ANO5: variants seen among roughly 807,000 people sequenced by gnomAD.
ANO5 encodes the protein anoctamin-5.
A neutral mutation model predicts 121.0 loss-of-function variants in ANO5; 109 were observed. That is an observed-to-expected ratio of 0.90 (90% CI 0.77 to 1.06). The LOEUF is 1.06. Ranked by LOEUF, ANO5 falls within the 50% of genes least tolerant of loss-of-function variation. ANO5 has a pLI of 0.00. For synonymous variants in ANO5, 406 were observed against 359.9 expected (o/e 1.13, Z -1.45); for missense variants, 1,064 against 1,078.5 (o/e 0.99, Z 0.19).
Position 22,227,485 on chromosome 11 carries a change from C to T in ANO5, c.547C>T (p.His183Tyr), listed in dbSNP as rs1852880691. 6.2e-7 allele frequency: 1 copy of T among 1,613,556 alleles called. No individual in the cohort carries two copies. The highest frequency in any genetic ancestry group is 1.1e-5 in the South Asian group (1 of 91,082). The change falls in exon 7 of 22, where the codon CAT (histidine) becomes TAT (tyrosine). Residue 183 changes from histidine to tyrosine, a missense_variant. Physicochemically the swap from His to Tyr is moderately conservative, Grantham distance 83. Transcript: ENST00000324559. ...VRLPLSVKYP[H>Y]PEYFTAQFSR... ...ACTCCCACTGAGTGTGAAGTATCCC[C>T]ATCCTGAATATTTTACTGCACAATT...
chr11:22,268,827 G>A (rs572832642), intron 17 of ANO5, among the ~76,000 whole-genome samples: 4 of 152,132 alleles, frequency 2.6e-5, no homozygotes, highest in African/African-American at 9.6e-5. Context: ...ACCAGCCTGG[G>A]CAACATAATG....
intron 14 of ANO5, among the ~76,000 whole-genome samples, chr11:22,258,378 G>A (rs1854072211): frequency 6.6e-6 from 1 of 152,160 alleles, no homozygotes; most frequent in African/African-American, 2.4e-5. Context: ...TTGAGGAGAT[G>A]TGATAAAATA....
intron 9 of ANO5, among the ~76,000 whole-genome samples, chr11:22,245,136 A>G (rs2133685926): frequency 6.6e-6 from 1 of 152,216 alleles, no homozygotes; most frequent in Middle Eastern, 3.4e-3. Context: ...TATTGGCAGA[A>G]TGTTTTTGGT....
At position 22,279,807 on chromosome 11, in the gene ANO5, C is replaced by G. The variant is rs772677964; in HGVS notation, c.*42C>G. ...GCAGCAGGTGATCTGCCTTACTTCA[C>G]TTTATCCTCTGGTTTTAGGGCCAGA... On this transcript the variant is annotated 3_prime_UTR_variant, in exon 22 of 22. Coordinates refer to ENST00000324559, the MANE Select transcript of ANO5 (RefSeq NM_213599.3). 10 of 1,538,078 alleles carry G rather than the reference C, an allele frequency of 6.5e-6. No homozygotes were observed. Among genetic ancestry groups the G allele is most frequent in the Non-Finnish European group, 7.2e-6 (8 of 1,116,442 alleles).
chr11:22,218,140 C>CACACACACACAA, intron 3 of ANO5, 106 bp from the exon 4 acceptor site: 2 of 1,245,372 alleles, frequency 1.6e-6, no homozygotes, highest in Non-Finnish European at 2.3e-6. Context: ...CACACACACA[C>CACACACACACAA]TTATAAAATG....
intron 5 of ANO5, among the ~76,000 whole-genome samples, chr11:22,223,279 GA>G (rs1430112821): frequency 6.6e-6 from 1 of 152,000 alleles, no homozygotes; most frequent in Non-Finnish European, 1.5e-5. Context: ...ACGAGCAAGG[GA>G]AAAAGCTTAT....
intron 17 of ANO5, among the ~76,000 whole-genome samples, chr11:22,269,024 A>G (rs950348018): frequency 1.3e-5 from 2 of 151,814 alleles, no homozygotes; most frequent in Non-Finnish European, 2.9e-5. Flanking sequence ...GAAGACAGAC[A>G]TAGAGAAAGA....
chr11:22,244,077 G>A (rs1182418232), intron 9 of ANO5, among the ~76,000 whole-genome samples: 1 of 151,966 alleles, frequency 6.6e-6, no homozygotes, highest in Non-Finnish European at 1.5e-5. Flanking sequence ...CTCTCTTAAG[G>A]ACCTCTTGTA....
chr11:22,265,785 G>C (rs970221140), intron 17 of ANO5, among the ~76,000 whole-genome samples: 5 of 151,954 alleles, frequency 3.3e-5, no homozygotes, highest in Non-Finnish European at 5.9e-5. Flanking sequence ...ACCCAAACAA[G>C]TATGATAAAA....
chr11:22,211,242 T>C, intron 2 of ANO5, 22 bp from the exon 3 acceptor site: 1 of 1,610,800 alleles, frequency 6.2e-7, no homozygotes, highest in Non-Finnish European at 8.5e-7. Context: ...AATAGCATTA[T>C]ATCTTCCCCT....
rs531054425 is a variant in ANO5 at position 22,261,042 on chromosome 11, T to G, written c.1631-1087T>G. 9.8e-5 allele frequency among the ~76,000 whole-genome samples: 15 copies of G among 152,350 alleles called. No homozygotes were observed. The South Asian group carries it at 2.5e-3, about 25-fold the overall frequency. On this transcript the variant is annotated intron_variant, in intron 15 of 21. Coordinates refer to ENST00000324559, the MANE Select transcript of ANO5 (RefSeq NM_213599.3). ...ACACAATTCTGTTGGAAATCATCCC[T>G]GCCCTTGACATGAGCTTACTTTCTT...
intron 7 of ANO5, among the ~76,000 whole-genome samples, chr11:22,233,718 C>A (rs1853119801): frequency 6.6e-6 from 1 of 152,024 alleles, no homozygotes; most frequent in Non-Finnish European, 1.5e-5. Flanking sequence ...AACATTGTAC[C>A]TGTGAAGAAG....
chr11:22,192,580 T>C (rs1851682734), upstream of ANO5, among the ~76,000 whole-genome samples: 1 of 152,148 alleles, frequency 6.6e-6, no homozygotes, highest in Admixed American at 6.5e-5. Context: ...GAGGGACTTT[T>C]CCCCACGAGA....
At chr11:22,227,941 A>C (rs1353382760) in intron 7 of ANO5, among the ~76,000 whole-genome samples, 1 of 152,164 alleles carries the variant, frequency 6.6e-6, no homozygotes, top group South Asian at 2.1e-4. Context: ...CAGTCAGTGC[A>C]TAGTAAAGGA....
At chr11:22,249,419 CTG>C (rs891462377) in intron 9 of ANO5, among the ~76,000 whole-genome samples, 5 of 152,120 alleles carry the variant, frequency 3.3e-5, no homozygotes, top group South Asian at 2.1e-4. Flanking sequence ...GCCTAGGAAA[CTG>C]TGGAAAGACT....
chr11:22,232,954 T>C (rs1345855735), intron 7 of ANO5, among the ~76,000 whole-genome samples: 5 of 152,174 alleles, frequency 3.3e-5, no homozygotes, highest in African/African-American at 9.6e-5. Flanking sequence ...AACTGTTTAT[T>C]ACACAGAACT....
At chr11:22,197,418 C>T (rs1851846561) in intron 1 of ANO5, among the ~76,000 whole-genome samples, 1 of 151,280 alleles carries the variant, frequency 6.6e-6, no homozygotes, top group African/African-American at 2.4e-5. Flanking sequence ...TCATAGCTCA[C>T]CATAGCCTCA....
chr11:22,197,530 G>A (rs752201153), intron 1 of ANO5, among the ~76,000 whole-genome samples: 8 of 152,038 alleles, frequency 5.3e-5, no homozygotes, highest in South Asian at 2.1e-4. Context: ...TGAACGTTAG[G>A]TTGTTTGCAT....
At chr11:22,269,379 A>G (rs1028812691) in intron 17 of ANO5, among the ~76,000 whole-genome samples, 2 of 147,144 alleles carry the variant, frequency 1.4e-5, no homozygotes, top group Non-Finnish European at 3.0e-5. Flanking sequence ...AGGAAGAAGG[A>G]AAGAAGAAAG....
Sources: gnomAD v4.1 joint callset for allele counts (sites outside exome capture counted in the v4.1 genomes callset) on GRCh38, gnomAD v4.1.1 for gene constraint, MANE v1.5 for transcripts, NCBI Gene and HGNC (gene_info 2026-07-23, HGNC 2026-07-21) for gene names.